FBXO10: variants seen among roughly 807,000 people sequenced by gnomAD.
FBXO10 encodes F-box protein 10.
A neutral mutation model predicts 80.7 loss-of-function variants in FBXO10; 39 were observed. The observed-to-expected ratio is 0.48, with a 90% CI of 0.37 to 0.63. The LOEUF (loss-of-function observed/expected upper bound fraction) is 0.63, where lower values mean the gene tolerates loss of function less well. Ranked by LOEUF, FBXO10 falls within the 30% of genes least tolerant of loss-of-function variation. The pLI is 0.00. For synonymous variants in FBXO10, 449 were observed against 489.6 expected (o/e 0.92, Z 1.09); for missense variants, 1,025 against 1,269.0 (o/e 0.81, Z 2.92).
chr9:37,522,266 G>A (rs1821363864), intron 7 of FBXO10: 1 of 776,392 alleles, frequency 1.3e-6, no homozygotes, highest in African/African-American at 1.9e-5. Context: ...CTTTTAAATG[G>A]GGTTAATAAC....
chr9:37,557,860 A>T (rs1374412795), intron 1 of FBXO10, among the ~76,000 whole-genome samples: 1 of 152,250 alleles, frequency 6.6e-6, no homozygotes, highest in Non-Finnish European at 1.5e-5. Flanking sequence ...CCAGAAGGAC[A>T]TCATTATCCC....
intron 8 of FBXO10, among the ~76,000 whole-genome samples, chr9:37,520,084 C>T (rs995412843): frequency 6.6e-5 from 10 of 151,970 alleles, no homozygotes; most frequent in Non-Finnish European, 1.5e-4. Flanking sequence ...ATCCTCCTGC[C>T]TTGGCCTCTC....
Position 37,512,706 on chromosome 9 carries a change from G to T in FBXO10, c.2712C>A (p.Arg904=). The T allele has an allele frequency of 6.2e-7, 1 of 1,613,792 alleles. No homozygotes were observed. Among genetic ancestry groups the T allele is most frequent in the Non-Finnish European group, 8.5e-7 (1 of 1,179,792 alleles). ...GGGGCCGTGCTGGTGGGTTCACCAG[G>T]CGCCACGTATCAGACCTGGAGGTGC... ...LVFKKKSDTW[R]LVNPPARPHL... Residue 904 remains arginine (R), a synonymous_variant, in exon 11 of 11, where the codon CGC becomes CGA. Transcript: ENST00000432825.
chr9:37,518,267 T>C lies in FBXO10; in HGVS notation c.2372A>G (p.Lys791Arg). The change falls in exon 9 of 11, where the codon AAA (lysine) becomes AGA (arginine). Residue 791 changes from lysine to arginine, a missense_variant. By Grantham distance (26) the Lys-to-Arg change is conservative. Coordinates refer to ENST00000432825, the MANE Select transcript of FBXO10 (RefSeq NM_012166.3). The part of the protein sequence containing the change: ...QSGVKVEAQC[K>R]VELRGNGIYD... ...GATACCATTGCCCCGGAGCTCCACT[T>C]TGCACTGGGCCTCAACCTTGACCCC... 6.2e-7 allele frequency: 1 copy of C among 1,614,042 alleles called. No individual in the cohort carries two copies. The highest frequency in any genetic ancestry group is 1.1e-5 in the South Asian group (1 of 91,088).
rs376152563 is a variant in FBXO10, at chr9:37,537,395, C to T, written c.1134G>A (p.Val378=). 3.1e-6 allele frequency: 5 copies of T among 1,597,438 alleles called. No individual in the cohort carries two copies. Among genetic ancestry groups the T allele is most frequent in the Non-Finnish European group, 4.3e-6 (5 of 1,171,654 alleles). ...CCCCCAATACAGGGCGTGGGCCCTG[C>T]ACTTGGTAGGATAGTCTGTACATCA... ...DQLMYRLSYQ[V]QGPRPVLGGS... The change falls in exon 3 of 11, where the codon GTG becomes GTA. Residue 378 remains valine (V), a synonymous_variant. Transcript: ENST00000432825.
At chr9:37,538,708 C>CAAA (rs34975108) in intron 2 of FBXO10, among the ~76,000 whole-genome samples, 4,227 of 69,544 alleles carry the variant, frequency 0.061, 292 homozygotes, top group African/African-American at 0.16. Flanking sequence ...ACTCGGTGTC[C>CAAA]AAAAAAAAAA....
intron 1 of FBXO10, among the ~76,000 whole-genome samples, chr9:37,572,764 T>C (rs1455972911): frequency 6.6e-6 from 1 of 152,190 alleles, no homozygotes; most frequent in Non-Finnish European, 1.5e-5. Flanking sequence ...GGTGATTACG[T>C]GTGTATTTCC....
At chr9:37,561,888 C>A (rs1206701410) in intron 1 of FBXO10, among the ~76,000 whole-genome samples, 1 of 152,098 alleles carries the variant, frequency 6.6e-6, no homozygotes, top group Non-Finnish European at 1.5e-5. Context: ...TGAATAGAGA[C>A]CTGAATGACA....
In FBXO10 at chr9:37,541,425, C is replaced by T; in HGVS notation, c.344G>A (p.Gly115Asp). ...RERRTLSVGP[G>D]REFDSLGSAL... ...ACTGCCCAGGCTGTCAAACTCACGG[C>T]CTGGCCCAACACTCAGGGTACGTCG... Residue 115 changes from glycine (G) to aspartate (D), a missense_variant, in exon 2 of 11, where the codon GGC (glycine) becomes GAC (aspartate). Coordinates refer to ENST00000432825, the MANE Select transcript of FBXO10 (RefSeq NM_012166.3). 1.2e-6 allele frequency: 2 copies of T among 1,613,980 alleles called. No individual in the cohort carries two copies. Among genetic ancestry groups the T allele is most frequent in the Non-Finnish European group, 1.7e-6 (2 of 1,179,850 alleles).
chr9:37,560,832 C>T (rs568857293), intron 1 of FBXO10, among the ~76,000 whole-genome samples: 5 of 152,134 alleles, frequency 3.3e-5, no homozygotes, highest in African/African-American at 7.2e-5. Flanking sequence ...CAAGTGGTTC[C>T]GTTTTTTGAT....
chr9:37,543,432 G>A (rs1352544934), intron 1 of FBXO10, among the ~76,000 whole-genome samples: 1 of 152,074 alleles, frequency 6.6e-6, no homozygotes, highest in Non-Finnish European at 1.5e-5. Context: ...GGAATGAGTG[G>A]CCCCTTTTCT....
Position 37,512,293 on chromosome 9 carries a change from G to A in FBXO10, c.*254C>T, listed in dbSNP as rs1821075785. 1.1e-5 allele frequency: 4 copies of A among 353,332 alleles called. No homozygotes were observed. Among genetic ancestry groups the A allele is most frequent in the Non-Finnish European group, 2.0e-5 (4 of 195,722 alleles). 21.9% of individuals were successfully genotyped at this position (353,332 alleles called of 1,614,324 possible). On this transcript the variant is annotated 3_prime_UTR_variant, in exon 11 of 11. Coordinates refer to ENST00000432825, the MANE Select transcript of FBXO10 (RefSeq NM_012166.3). The stretch of plus-strand genomic sequence containing the variant: ...AAGCTTCAGCATTTGAGCTTCCCCC[G>A]CTCTTCACAATCTTTATAGACTTCG...
At chr9:37,560,464 C>A (rs1233809056) in intron 1 of FBXO10, among the ~76,000 whole-genome samples, 2 of 152,010 alleles carry the variant, frequency 1.3e-5, no homozygotes, top group Non-Finnish European at 1.5e-5. Flanking sequence ...TGCCTGTGTA[C>A]CCAACTCCAG....
intron 1 of FBXO10, among the ~76,000 whole-genome samples, chr9:37,546,444 A>T (rs1822058004): frequency 6.6e-6 from 1 of 152,170 alleles, no homozygotes. Context: ...TGTAGTAGGG[A>T]TCACCTGCTA....
rs202183741 is a variant in FBXO10, at chr9:37,541,162, G to A, written c.585+22C>T. 88 of 1,553,924 alleles carry A rather than the reference G, an allele frequency of 5.7e-5. No homozygotes were observed. The Admixed American group carries it at 5.8e-4, about 10-fold the overall frequency. On this transcript the variant is annotated intron_variant, in intron 2 of 10. Transcript: ENST00000432825. ...CTCTGGGGTCAGAACTAGAAAGGCC[G>A]TCTATTGATGTGGATACCCACCTTA...
At chr9:37,518,549 G>T (rs1170100328) in intron 8 of FBXO10, 111 bp from the exon 9 acceptor site, 6 of 897,874 alleles carry the variant, frequency 6.7e-6, no homozygotes, top group Non-Finnish European at 9.9e-6. Context: ...GAGTGGAGAA[G>T]AAGAGGTACC....
chr9:37,556,803 C>T (rs563114897), intron 1 of FBXO10, among the ~76,000 whole-genome samples: 2 of 152,220 alleles, frequency 1.3e-5, no homozygotes, highest in African/African-American at 4.8e-5. Flanking sequence ...TCTTGTCCTC[C>T]CAAAGTGCTG....
At chr9:37,566,203 T>G (rs1011176419) in intron 1 of FBXO10, among the ~76,000 whole-genome samples, 1 of 152,194 alleles carries the variant, frequency 6.6e-6, no homozygotes, top group African/African-American at 2.4e-5. Context: ...GGCAGGTGAC[T>G]TAACTCTTGT....
At chr9:37,523,751 G>A (rs1459837894) in intron 6 of FBXO10, among the ~76,000 whole-genome samples, 4 of 152,000 alleles carry the variant, frequency 2.6e-5, no homozygotes, top group Non-Finnish European at 4.4e-5. Context: ...GAGAAACCCC[G>A]TCTCTACTAA....
Sources: allele counts gnomAD v4.1 joint callset (sites outside exome capture counted in the v4.1 genomes callset), GRCh38; gene constraint gnomAD v4.1.1; transcripts MANE v1.5; gene names NCBI Gene and HGNC (gene_info 2026-07-23, HGNC 2026-07-21).